The following PGAP4 variants were observed in gnomAD, a reference collection of about 807,000 sequenced individuals.
PGAP4 encodes post-GPI attachment to proteins GalNAc transferase 4.
PGAP4 carries 12 observed loss-of-function variants against 28.2 expected under a neutral mutation model. That is an observed-to-expected ratio of 0.42 (90% CI 0.27 to 0.69). The LOEUF is 0.69. Among genes scored for constraint, PGAP4 ranks in the 30% least tolerant of loss-of-function variants. The probability of loss-of-function intolerance (pLI) is 0.22; values close to 1 mark genes in which losing one functional copy is unlikely to be tolerated. For synonymous variants in PGAP4, 205 were observed against 211.8 expected, an observed-to-expected ratio of 0.97 and a Z score of 0.28; for missense variants, 425 against 513.5, an observed-to-expected ratio of 0.83 and a Z score of 1.67.
chr9:101,512,514 A>T (rs1401473182), intron 2 of PGAP4, among the ~76,000 whole-genome samples: 3 of 152,156 alleles, frequency 2.0e-5, no homozygotes, highest in Non-Finnish European at 2.9e-5. Flanking sequence ...CTATTTTTAC[A>T]TGGGAGGCTG....
chr9:101,526,993 A>G (rs1404737864), intron 2 of PGAP4, among the ~76,000 whole-genome samples: 1 of 152,220 alleles, frequency 6.6e-6, no homozygotes, highest in Non-Finnish European at 1.5e-5. Context: ...TGTTTTATAA[A>G]TGCCTTTGGG....
At chr9:101,533,040 A>G (rs1258702930) in exon 1 of PGAP4, 1 of 152,200 alleles carries the variant, frequency 6.6e-6, no homozygotes, top group Admixed American at 6.5e-5. Context: ...TTACCGTCCT[A>G]TCATTAAAAC....
At chr9:101,507,909 G>A (rs972207817) in intron 2 of PGAP4, among the ~76,000 whole-genome samples, 5 of 152,148 alleles carry the variant, frequency 3.3e-5, no homozygotes, top group African/African-American at 4.8e-5. Flanking sequence ...AATTCTAGCT[G>A]TGTCCAACAT....
chr9:101,527,617 A>G, intron 2 of PGAP4, among the ~76,000 whole-genome samples: 1 of 152,212 alleles, frequency 6.6e-6, no homozygotes, highest in East Asian at 1.9e-4. Flanking sequence ...TCAAAGGAAA[A>G]CAATTTTCTC....
At chr9:101,525,513 C>A (rs1827027929) in intron 2 of PGAP4, among the ~76,000 whole-genome samples, 1 of 151,638 alleles carries the variant, frequency 6.6e-6, no homozygotes, top group Non-Finnish European at 1.5e-5. Flanking sequence ...TCGAGACCAG[C>A]CTGGCCAACA....
intron 2 of PGAP4, among the ~76,000 whole-genome samples, chr9:101,516,659 T>C (rs1010451080): frequency 2.0e-5 from 3 of 152,242 alleles, no homozygotes; most frequent in Non-Finnish European, 4.4e-5. Flanking sequence ...TGGTTCATAC[T>C]GTACCATCCT....
At chr9:101,485,004 T>A (rs536885893) in intron 1 of PGAP4, among the ~76,000 whole-genome samples, 4 of 152,212 alleles carry the variant, frequency 2.6e-5, no homozygotes, top group Non-Finnish European at 5.9e-5. Context: ...GATTCAACAC[T>A]GAGTCTTGTG....
At position 101,510,748 on chromosome 9, in the gene PGAP4, G is replaced by A. The variant is rs186762371; in HGVS notation, c.-165+20600C>T. Reference sequence around the variant, plus strand: ...ACTGTGACTGTGACAAGTACACAATGCGGGAAAGAGTCACGGACAGCAGTG... The same window carrying A: ...ACTGTGACTGTGACAAGTACACAATACGGGAAAGAGTCACGGACAGCAGTG... On this transcript the variant is annotated intron_variant, in intron 2 of 3. Transcript: ENST00000374851. 6.6e-4 allele frequency among the ~76,000 whole-genome samples: 100 copies of A among 152,268 alleles called. 1 individual carries two copies. The highest frequency in any genetic ancestry group is 5.9e-4 in the Admixed American group (9 of 15,292).
At chr9:101,525,528 G>A (rs990886584) in intron 2 of PGAP4, among the ~76,000 whole-genome samples, 1 of 151,776 alleles carries the variant, frequency 6.6e-6, no homozygotes, top group African/African-American at 2.4e-5. Context: ...CCAACATGGC[G>A]AAACCCTGTC....
Position 101,517,879 on chromosome 9 carries a change from A to T in PGAP4, c.-165+13469T>A, listed in dbSNP as rs541978082. Among the ~76,000 whole-genome samples, 5 of 152,246 alleles carry T rather than the reference A, an allele frequency of 3.3e-5. No homozygotes were observed. In the East Asian group the frequency reaches 9.6e-4, roughly 29 times the overall value. Reference sequence around the variant, plus strand: ...GCTCACTATTTTATGTATTTATTTTAAAAATAATTTTAACTTTTATTTTAG... The same window carrying T: ...GCTCACTATTTTATGTATTTATTTTTAAAATAATTTTAACTTTTATTTTAG... On this transcript the variant is annotated intron_variant, in intron 2 of 3. Coordinates refer to the PGAP4 transcript ENST00000374851.
chr9:101,489,563 T>C (rs1035709418), upstream of PGAP4, among the ~76,000 whole-genome samples: 62 of 152,320 alleles, frequency 4.1e-4, 1 homozygote, highest in African/African-American at 1.3e-3. Flanking sequence ...GACCTGTCAC[T>C]AATGGAATGA....
At chr9:101,503,955 T>C (rs1418072705) in intron 2 of PGAP4, among the ~76,000 whole-genome samples, 1 of 151,972 alleles carries the variant, frequency 6.6e-6, no homozygotes, top group Non-Finnish European at 1.5e-5. Flanking sequence ...CCCAAATGGA[T>C]CAAACCAAAA....
At chr9:101,504,205 G>GTTTT (rs373740296) in intron 2 of PGAP4, among the ~76,000 whole-genome samples, 6 of 34,584 alleles carry the variant, frequency 1.7e-4, no homozygotes, top group Non-Finnish European at 2.4e-4. Flanking sequence ...GTGTGTGTGT[G>GTTTT]TTTGTTTTTT....
At chr9:101,509,324 T>C (rs374314525) in intron 2 of PGAP4, among the ~76,000 whole-genome samples, 2 of 152,190 alleles carry the variant, frequency 1.3e-5, no homozygotes, top group East Asian at 1.9e-4. Context: ...AGTTTGGCTT[T>C]GAATGCTGCC....
rs73501259 is a variant in PGAP4, at chr9:101,486,393, C to T, written c.-78+556G>A. On this transcript the variant is annotated intron_variant, in intron 1 of 1. Coordinates refer to ENST00000374848, the MANE Select transcript of PGAP4 (RefSeq NM_032342.3). This position sits in a 1 kb window ranked among gnomAD's most constrained non-coding sequence, Gnocchi z 4.7. ...ACGCCTTCCTCTGCCCAGTCGCCCT[C>T]CCCCAGCCCTTGGCTGCGAGGTCGC... Among the ~76,000 whole-genome samples, 1,463 of 152,288 alleles carry T rather than the reference C, an allele frequency of 9.6e-3. 19 individuals carry two copies. The highest frequency in any genetic ancestry group is 0.033 in the African/African-American group (1,391 of 41,570).
chr9:101,524,765 G>C (rs1827019563), intron 2 of PGAP4, among the ~76,000 whole-genome samples: 1 of 152,212 alleles, frequency 6.6e-6, no homozygotes, highest in Non-Finnish European at 1.5e-5. Context: ...TATGTGTTCA[G>C]GAGAAGAGGG....
chr9:101,507,951 TC>T (rs1016946346), intron 2 of PGAP4, among the ~76,000 whole-genome samples: 1 of 152,086 alleles, frequency 6.6e-6, no homozygotes, highest in Non-Finnish European at 1.5e-5. Context: ...TCTTATGAAA[TC>T]CTTTTAATCT....
chr9:101,507,790 C>A (rs1428392432), intron 2 of PGAP4, among the ~76,000 whole-genome samples: 1 of 152,112 alleles, frequency 6.6e-6, no homozygotes, highest in Non-Finnish European at 1.5e-5. Context: ...AGGGCATACC[C>A]AAATTGCCTT....
upstream of PGAP4, among the ~76,000 whole-genome samples, chr9:101,491,724 A>T (rs989865043): frequency 1.3e-5 from 2 of 148,624 alleles, no homozygotes; most frequent in Admixed American, 6.7e-5. Context: ...AATATATATA[A>T]AATACATTAA....
Sources: allele counts gnomAD v4.1 joint callset (sites outside exome capture counted in the v4.1 genomes callset), GRCh38; gene constraint gnomAD v4.1.1; non-coding constraint Gnocchi (gnomAD v3.1); transcripts MANE v1.5; gene names NCBI Gene and HGNC (gene_info 2026-07-23, HGNC 2026-07-21).